The following MAP3K20 variants were observed in gnomAD, a reference collection of about 807,000 sequenced individuals.
MAP3K20 encodes HCCS-4.
MAP3K20 carries 40 observed loss-of-function variants against 85.7 expected under a neutral mutation model. The observed-to-expected ratio is 0.47, with a 90% CI of 0.36 to 0.61. The LOEUF (loss-of-function observed/expected upper bound fraction) is 0.61. Among genes scored for constraint, MAP3K20 ranks in the 20% least tolerant of loss-of-function variants. MAP3K20 has a pLI of 0.00. For synonymous variants in MAP3K20, 325 were observed against 327.7 expected, an observed-to-expected ratio of 0.99 and a Z score of 0.09; for missense variants, 817 against 961.7, an observed-to-expected ratio of 0.85 and a Z score of 1.99.
rs139740781 is a variant in MAP3K20, at chr2:173,103,086, A to T, written c.159+11896A>T. ...AAAAAAAGAAAAGAAAAAAAGAAAT[A>T]TATACTCATTTTTATTTTAATCACT... is the stretch of plus-strand genomic sequence containing the variant. On this transcript the variant is annotated intron_variant, in intron 2 of 19. Transcript: ENST00000375213. Among the ~76,000 whole-genome samples, 680 of 152,262 alleles carry T rather than the reference A, an allele frequency of 4.5e-3. 7 individuals carry two copies. Among genetic ancestry groups the T allele is most frequent in the African/African-American group, 0.014 (588 of 41,536 alleles).
Position 173,266,518 on chromosome 2 carries a change from C to T in MAP3K20, c.2171C>T (p.Pro724Leu), listed in dbSNP as rs774265936. Residue 724 changes from proline (P) to leucine (L), a missense_variant, in exon 20 of 20, where the codon CCT becomes CTT. Transcript: ENST00000375213. ...FYRVSQSALN[P>L]HQSPDFKRSP... Reference sequence around the variant, plus strand: ...AGGGTTTCTCAGTCAGCACTCAATCCTCACCAGTCGCCTGACTTCAAGAGA... The same window carrying T: ...AGGGTTTCTCAGTCAGCACTCAATCTTCACCAGTCGCCTGACTTCAAGAGA... 6.2e-7 allele frequency: 1 copy of T among 1,613,964 alleles called. No individual in the cohort carries two copies. Among genetic ancestry groups the T allele is most frequent in the Non-Finnish European group, 8.5e-7 (1 of 1,179,970 alleles).
chr2:173,148,481 G>A (rs967399916), intron 2 of MAP3K20, among the ~76,000 whole-genome samples: 2 of 152,204 alleles, frequency 1.3e-5, no homozygotes, highest in Non-Finnish European at 2.9e-5. Context: ...TCCTTAGGAT[G>A]AGTGGTGTGA....
chr2:173,217,261 TC>T lies in MAP3K20; in HGVS notation c.987+16del. ...CAGTCCAACACCCCGGTGAGTACCC[TC>T]CCCCTTCGCCGTCTTTCCACATGCG... On this transcript the variant is annotated intron_variant, in intron 11 of 19. Transcript: ENST00000375213. The T allele has an allele frequency of 6.5e-7, 1 of 1,533,720 alleles. No individual in the cohort carries two copies. Among genetic ancestry groups the T allele is most frequent in the Admixed American group, 2.0e-5 (1 of 50,874 alleles).
At chr2:173,131,641 A>G (rs1301200388) in intron 2 of MAP3K20, among the ~76,000 whole-genome samples, 1 of 152,234 alleles carries the variant, frequency 6.6e-6, no homozygotes, top group Non-Finnish European at 1.5e-5. Context: ...TTTGCAGAAG[A>G]AAGTATTTTA....
intron 19 of MAP3K20, among the ~76,000 whole-genome samples, chr2:173,264,220 C>G (rs1323094422): frequency 6.6e-6 from 1 of 152,206 alleles, no homozygotes; most frequent in Non-Finnish European, 1.5e-5. Flanking sequence ...AAGAACAACT[C>G]TAAAGTCCTT....
chr2:173,189,634 AC>A (rs921386988), intron 5 of MAP3K20, among the ~76,000 whole-genome samples: 2 of 152,098 alleles, frequency 1.3e-5, no homozygotes, highest in African/African-American at 4.8e-5. Flanking sequence ...TTTCTCCCTA[AC>A]CCCGAAAAAT....
At chr2:173,179,339 TC>T (rs1337435703) in intron 3 of MAP3K20, among the ~76,000 whole-genome samples, 2 of 146,938 alleles carry the variant, frequency 1.4e-5, no homozygotes, top group Non-Finnish European at 3.0e-5. Context: ...TTGCAGTGAG[TC>T]GAGTTTGCAC....
At chr2:173,079,523 C>T (rs1686955964) in intron 1 of MAP3K20, among the ~76,000 whole-genome samples, 1 of 152,072 alleles carries the variant, frequency 6.6e-6, no homozygotes, top group African/African-American at 2.4e-5. Flanking sequence ...GTTTTATAAA[C>T]TTTAAACTTT....
At chr2:173,202,803 G>A (rs1444009698) in intron 8 of MAP3K20, among the ~76,000 whole-genome samples, 2 of 152,160 alleles carry the variant, frequency 1.3e-5, no homozygotes, top group Non-Finnish European at 2.9e-5. Flanking sequence ...CACTGTTGTT[G>A]TTATGTCAGA....
At chr2:173,137,411 C>T (rs1025511638) in intron 2 of MAP3K20, among the ~76,000 whole-genome samples, 1 of 151,960 alleles carries the variant, frequency 6.6e-6, no homozygotes, top group Non-Finnish European at 1.5e-5. Context: ...ACCCTATGTT[C>T]TCTGTTTGGG....
At position 173,209,779 on chromosome 2, in the gene MAP3K20, T is replaced by A. The variant is rs921739096; in HGVS notation, c.795T>A (p.Asn265Lys). ...QIISILESMS[N>K]DTSLPDKCNS... ...TTTCAATCCTGGAGTCCATGTCAAA[T>A]GACACGAGCCTTCCTGACAAGTGTA... Residue 265 changes from asparagine to lysine, a missense_variant, in exon 10 of 20, where the codon AAT becomes AAA. This residue lies in a region of MAP3K20 where 158 missense variants were observed against 162.0 expected (regional missense o/e 0.98). Coordinates refer to ENST00000375213, the MANE Select transcript of MAP3K20 (RefSeq NM_016653.3). 4 of 1,613,772 alleles carry A rather than the reference T, an allele frequency of 2.5e-6. No homozygotes were observed. In the African/African-American group the frequency reaches 5.3e-5, roughly 22 times the overall value.
At chr2:173,158,940 C>T (rs1184748609) in intron 2 of MAP3K20, among the ~76,000 whole-genome samples, 1 of 152,188 alleles carries the variant, frequency 6.6e-6, no homozygotes, top group Non-Finnish European at 1.5e-5. Context: ...ATTTATTGAG[C>T]ACCTACTCTG....
chr2:173,081,400 T>C (rs1687010856), intron 1 of MAP3K20, among the ~76,000 whole-genome samples: 1 of 152,140 alleles, frequency 6.6e-6, no homozygotes, highest in African/African-American at 2.4e-5. Flanking sequence ...TGCACAGTAC[T>C]GTGTAATACC....
At chr2:173,212,008 A>G (rs1683913945) in intron 10 of MAP3K20, 1 of 152,236 alleles carries the variant, frequency 6.6e-6, no homozygotes, top group African/African-American at 2.4e-5. Flanking sequence ...TTCATCACTC[A>G]CAGCATCAAA....
At chr2:173,153,170 C>T (rs1689356003) in intron 2 of MAP3K20, among the ~76,000 whole-genome samples, 1 of 152,134 alleles carries the variant, frequency 6.6e-6, no homozygotes, top group South Asian at 2.1e-4. Flanking sequence ...AGCTGATAAT[C>T]GATTTACCTA....
At chr2:173,122,286 G>A (rs1488847919) in intron 2 of MAP3K20, among the ~76,000 whole-genome samples, 2 of 152,230 alleles carry the variant, frequency 1.3e-5, no homozygotes, top group East Asian at 1.9e-4. Context: ...AGCTGTGGAC[G>A]TAGACTTTCA....
intron 16 of MAP3K20, among the ~76,000 whole-genome samples, chr2:173,250,860 T>C (rs1287604588): frequency 2.0e-5 from 3 of 152,222 alleles, no homozygotes; most frequent in Non-Finnish European, 4.4e-5. Flanking sequence ...TGGTGGGTCA[T>C]GACACTGTAT....
intron 2 of MAP3K20, among the ~76,000 whole-genome samples, chr2:173,102,802 A>T (rs1420819358): frequency 6.6e-6 from 1 of 152,198 alleles, no homozygotes; most frequent in South Asian, 2.1e-4. Flanking sequence ...TGCTTCCATT[A>T]TTGGAACATA....
chr2:173,266,939 CCAG>C lies in MAP3K20; in HGVS notation c.*190_*192del. ...GGCCAAAATTATGGATATTGGTCAC[CCAG>C]TGATCATAACTAGGCTTGAAAATCA... is the stretch of plus-strand genomic sequence containing the variant. On this transcript the variant is annotated 3_prime_UTR_variant, in exon 20 of 20. Coordinates refer to ENST00000375213, the MANE Select transcript of MAP3K20 (RefSeq NM_016653.3). 4.2e-6 allele frequency: 2 copies of C among 472,548 alleles called. No individual in the cohort carries two copies. Among genetic ancestry groups the C allele is most frequent in the Non-Finnish European group, 7.2e-6 (2 of 277,380 alleles). 29.3% of individuals were successfully genotyped at this position (472,548 alleles called of 1,614,324 possible).
Sources: gnomAD v4.1 joint callset for allele counts (sites outside exome capture counted in the v4.1 genomes callset) on GRCh38, gnomAD v4.1.1 for gene constraint, gnomAD v4.1.1 regional missense constraint, MANE v1.5 for transcripts, NCBI Gene and HGNC (gene_info 2026-07-23, HGNC 2026-07-21) for gene names.